The following LHFPL3 variants were observed in gnomAD, a reference collection of about 807,000 sequenced individuals.
LHFPL3 encodes the protein LHFPL tetraspan subfamily member 3 protein.
Under a neutral mutation model 19.3 loss-of-function variants are expected in LHFPL3, and 5 were observed. The observed-to-expected ratio is 0.26, with a 90% CI of 0.14 to 0.54. The LOEUF is 0.54. Ranked by LOEUF, LHFPL3 falls within the 20% of genes least tolerant of loss-of-function variation. LHFPL3 has a pLI of 0.94. For synonymous variants in LHFPL3, 133 were observed against 126.2 expected (o/e 1.05, Z -0.36); for missense variants, 249 against 307.4 (o/e 0.81, Z 1.42).
intron 1 of LHFPL3, among the ~76,000 whole-genome samples, chr7:104,513,482 C>T (rs1486533819): frequency 6.6e-6 from 1 of 152,162 alleles, no homozygotes; most frequent in Non-Finnish European, 1.5e-5. Flanking sequence ...CAGGGAATTT[C>T]ACTTTTTATT....
rs538073757 is a variant in LHFPL3 at position 104,544,765 on chromosome 7, G to A, written c.446-191910G>A. Among the ~76,000 whole-genome samples, 4 of 152,044 alleles carry A rather than the reference G, an allele frequency of 2.6e-5. No homozygotes were observed. In the East Asian group the frequency reaches 7.7e-4, roughly 29 times the overall value. On this transcript the variant is annotated intron_variant, in intron 1 of 2. Transcript: ENST00000424859. ...ATATGGTAAGTAGAAAATGATTTGGGGGAAAAGGGGAATGTACAATTGTAG... is the reference window on the plus strand; with the variant it reads ...ATATGGTAAGTAGAAAATGATTTGGAGGAAAAGGGGAATGTACAATTGTAG...
chr7:104,550,142 C>CT (rs1479304477), intron 1 of LHFPL3, among the ~76,000 whole-genome samples: 1 of 151,932 alleles, frequency 6.6e-6, no homozygotes, highest in Non-Finnish European at 1.5e-5. Flanking sequence ...GAAGGTCAGT[C>CT]TTTGTTCTAC....
intron 2 of LHFPL3, among the ~76,000 whole-genome samples, chr7:104,865,580 A>T (rs892551194): frequency 1.3e-5 from 2 of 152,242 alleles, no homozygotes; most frequent in Non-Finnish European, 2.9e-5. Context: ...CTGTGTGAGA[A>T]GACCAAATCT....
intron 2 of LHFPL3, among the ~76,000 whole-genome samples, chr7:104,756,906 A>G (rs1794295766): frequency 6.6e-6 from 1 of 152,198 alleles, no homozygotes; most frequent in Non-Finnish European, 1.5e-5. Flanking sequence ...TGTGCGTAAA[A>G]TATCTCTTTC....
At chr7:104,379,670 A>T (rs971111928) in intron 1 of LHFPL3, among the ~76,000 whole-genome samples, 2 of 152,206 alleles carry the variant, frequency 1.3e-5, no homozygotes, top group African/African-American at 4.8e-5. Context: ...CTCCTAGGGC[A>T]AGATGTAAGA....
intron 1 of LHFPL3, among the ~76,000 whole-genome samples, chr7:104,469,041 A>G (rs1792852746): frequency 6.6e-6 from 1 of 152,152 alleles, no homozygotes; most frequent in Non-Finnish European, 1.5e-5. Flanking sequence ...GGTGTCGTTC[A>G]TTCCATAGGA....
intron 1 of LHFPL3, chr7:104,668,756 C>G (rs567380634): frequency 6.7e-7 from 1 of 1,487,238 alleles, no homozygotes; most frequent in South Asian, 1.1e-5. Context: ...TCTAAAGCCT[C>G]GGAGTACTCC....
At chr7:104,607,484 GC>G (rs1234347236) in intron 1 of LHFPL3, among the ~76,000 whole-genome samples, 2 of 152,116 alleles carry the variant, frequency 1.3e-5, no homozygotes, top group Non-Finnish European at 2.9e-5. Context: ...TCTACCAAAG[GC>G]TTTGCAAAGC....
At chr7:104,361,474 T>C (rs980139895) in intron 1 of LHFPL3, among the ~76,000 whole-genome samples, 8 of 152,186 alleles carry the variant, frequency 5.3e-5, no homozygotes. Context: ...TCTAAATTGC[T>C]TTTGAACTTT....
At chr7:104,507,680 A>C (rs111420524) in intron 1 of LHFPL3, among the ~76,000 whole-genome samples, 18,682 of 118,360 alleles carry the variant, frequency 0.16, 1,122 homozygotes, top group Admixed American at 0.19. Flanking sequence ...CAACCTACAA[A>C]ATGGGAGAAA....
At chr7:104,501,641 C>T (rs752890349) in intron 1 of LHFPL3, among the ~76,000 whole-genome samples, 3 of 152,146 alleles carry the variant, frequency 2.0e-5, no homozygotes, top group Non-Finnish European at 2.9e-5. Context: ...TTTTCTCTGA[C>T]GTCCACCATA....
chr7:104,334,198 A>C (rs1460857498), intron 1 of LHFPL3, among the ~76,000 whole-genome samples: 1 of 152,224 alleles, frequency 6.6e-6, no homozygotes, highest in Non-Finnish European at 1.5e-5. Flanking sequence ...GAGTTAATAA[A>C]TTGAAAAATA....
At chr7:104,802,458 G>C (rs1308983457) in intron 2 of LHFPL3, among the ~76,000 whole-genome samples, 1 of 135,442 alleles carries the variant, frequency 7.4e-6, no homozygotes, top group Non-Finnish European at 1.5e-5. Context: ...TAGTGCCAGT[G>C]TTCCAGCCTG....
intron 1 of LHFPL3, among the ~76,000 whole-genome samples, chr7:104,571,431 C>A (rs1790228856): frequency 6.6e-6 from 1 of 152,110 alleles, no homozygotes; most frequent in African/African-American, 2.4e-5. Flanking sequence ...TAAATCACAG[C>A]ATCTTCTGTT....
chr7:104,563,320 T>C (rs1300247704), intron 1 of LHFPL3, among the ~76,000 whole-genome samples: 7 of 152,310 alleles, frequency 4.6e-5, no homozygotes, highest in South Asian at 2.1e-4. Flanking sequence ...ACTGCTGTGC[T>C]AGCAATCAGC....
intron 2 of LHFPL3, among the ~76,000 whole-genome samples, chr7:104,833,057 A>ATATATATAGAT (rs1424743811): frequency 2.2e-5 from 2 of 90,644 alleles, no homozygotes; most frequent in African/African-American, 8.5e-5. Context: ...TATATATATT[A>ATATATATAGAT]TATATAATAT....
At chr7:104,439,580 AC>A (rs1295487188) in intron 1 of LHFPL3, among the ~76,000 whole-genome samples, 1 of 152,158 alleles carries the variant, frequency 6.6e-6, no homozygotes, top group Non-Finnish European at 1.5e-5. Context: ...ATTATCAAAT[AC>A]CATATGATTA....
intron 1 of LHFPL3, among the ~76,000 whole-genome samples, chr7:104,650,081 C>T (rs1792003509): frequency 6.6e-6 from 1 of 152,104 alleles, no homozygotes; most frequent in African/African-American, 2.4e-5. Context: ...GAAGTGAGGC[C>T]CAATGGAAGG....
At chr7:104,873,060 G>A (rs1202002504) in intron 2 of LHFPL3, among the ~76,000 whole-genome samples, 1 of 152,150 alleles carries the variant, frequency 6.6e-6, no homozygotes, top group Non-Finnish European at 1.5e-5. Context: ...TAAACAATAG[G>A]AATTTTTCAG....
Sources: gnomAD v4.1 joint callset for allele counts (sites outside exome capture counted in the v4.1 genomes callset) on GRCh38, gnomAD v4.1.1 for gene constraint, MANE v1.5 for transcripts, NCBI Gene and HGNC (gene_info 2026-07-23, HGNC 2026-07-21) for gene names.